MMP26: variants seen among roughly 807,000 people sequenced by gnomAD.
MMP26 encodes the protein matrix metalloproteinase-26.
Under a neutral mutation model 31.0 loss-of-function variants are expected in MMP26, and 33 were observed. The ratio of observed to expected loss-of-function variants is 1.06; its 90% CI spans 0.81 to 1.42. The LOEUF (loss-of-function observed/expected upper bound fraction) is 1.42, where lower values mean the gene tolerates loss of function less well. Among genes scored for constraint, MMP26 ranks in the 40% most tolerant of loss-of-function variants. The pLI is 0.00. For missense variants in MMP26, 347 were observed against 316.1 expected (o/e 1.10, Z -0.74); for synonymous variants, 122 against 114.9 (o/e 1.06, Z -0.40).
intron 2 of MMP26, among the ~76,000 whole-genome samples, chr11:4,833,553 T>C (rs1283229477): frequency 1.3e-5 from 2 of 152,202 alleles, no homozygotes; most frequent in Non-Finnish European, 2.9e-5. Context: ...ATTCAAAGTG[T>C]GGTCTGCTGA....
At chr11:4,755,692 G>T (rs1200635224) in intron 1 of MMP26, among the ~76,000 whole-genome samples, 1 of 151,926 alleles carries the variant, frequency 6.6e-6, no homozygotes, top group African/African-American at 2.4e-5. Flanking sequence ...ATACAGTGTT[G>T]GTTGAATGTT....
intron 4 of MMP26, 45 bp downstream of exon 4, chr11:4,989,913 C>T (rs1846971542): frequency 6.7e-7 from 1 of 1,489,056 alleles, no homozygotes; most frequent in Non-Finnish European, 9.2e-7. Context: ...GGGTGATGAC[C>T]TCAAAGGGCT....
intron 1 of MMP26, chr11:4,710,671 G>T: frequency 3.0e-6 from 1 of 336,442 alleles, no homozygotes; most frequent in Admixed American, 3.9e-5. Flanking sequence ...AGTTCTAAAT[G>T]GTGAGTTATT....
chr11:4,842,413 G>C (rs75223937), intron 2 of MMP26, among the ~76,000 whole-genome samples: 11,002 of 152,262 alleles, frequency 0.072, 431 homozygotes, highest in South Asian at 0.11. Context: ...AGACTGTACA[G>C]GAGGCAAGGC....
In MMP26 at chr11:4,768,772, T is replaced by A. The variant is rs1195364822; in HGVS notation, c.-145+1431T>A. Among the ~76,000 whole-genome samples the A allele has an allele frequency of 3.9e-5, 6 of 152,356 alleles. No individual in the cohort carries two copies. The East Asian group carries it at 1.2e-3, about 29-fold the overall frequency. On this transcript the variant is annotated intron_variant, in intron 2 of 7. Coordinates refer to ENST00000380390, the MANE Select transcript of MMP26 (RefSeq NM_021801.5). The stretch of plus-strand genomic sequence containing the variant: ...AGGAGTATTATTTATCATTTCATTA[T>A]TGTTATTTTCCTAATTCCACTACAA...
chr11:4,740,773 C>A (rs775668255), intron 1 of MMP26, among the ~76,000 whole-genome samples: 45 of 151,856 alleles, frequency 3.0e-4, no homozygotes, highest in Middle Eastern at 3.2e-3. Context: ...TAATTCATAC[C>A]ATTTTAGAGT....
intron 1 of MMP26, among the ~76,000 whole-genome samples, chr11:4,757,499 A>G (rs61883474): frequency 0.014 from 2,132 of 152,138 alleles, 20 homozygotes; most frequent in Non-Finnish European, 0.021. Context: ...AAAAAAAAGT[A>G]CAATTTAAAA....
At chr11:4,804,755 G>T in intron 2 of MMP26, 1 of 348,862 alleles carries the variant, frequency 2.9e-6, no homozygotes, top group Non-Finnish European at 5.6e-6. Context: ...GACCAGCCTG[G>T]CTGACATAGT....
At chr11:4,947,243 T>G (rs1846326154) in intron 2 of MMP26, 1 of 482,606 alleles carries the variant, frequency 2.1e-6, no homozygotes, top group Non-Finnish European at 3.6e-6. Context: ...AGCATTTATG[T>G]GGCTATCATC....
intron 2 of MMP26, among the ~76,000 whole-genome samples, chr11:4,938,963 G>A (rs551508138): frequency 5.9e-5 from 9 of 152,064 alleles, no homozygotes; most frequent in Admixed American, 2.0e-4. Context: ...CCCAGTATTA[G>A]CATATTAACT....
intron 2 of MMP26, chr11:4,793,743 A>C (rs1849064752): frequency 6.6e-6 from 1 of 152,170 alleles, no homozygotes; most frequent in Non-Finnish European, 1.5e-5. Flanking sequence ...AACAGGAATA[A>C]AGAAAATCAA....
chr11:4,787,206 C>T (rs929765823), intron 2 of MMP26: 1 of 152,310 alleles, frequency 6.6e-6, no homozygotes, highest in African/African-American at 2.4e-5. Flanking sequence ...TAGCAATAGT[C>T]CTAAGAACAT....
At chr11:4,759,475 C>T (rs540275825) in intron 1 of MMP26, among the ~76,000 whole-genome samples, 15 of 152,236 alleles carry the variant, frequency 9.9e-5, no homozygotes, top group African/African-American at 3.6e-4. Flanking sequence ...ATTCCTTCAT[C>T]TTTTGTTAAT....
At chr11:4,982,117 T>C (rs184473489) in intron 2 of MMP26, among the ~76,000 whole-genome samples, 2 of 151,958 alleles carry the variant, frequency 1.3e-5, no homozygotes, top group African/African-American at 2.4e-5. Context: ...ACAATATACA[T>C]ACACATATAA....
At chr11:4,931,583 A>G (rs1851347820) in intron 2 of MMP26, among the ~76,000 whole-genome samples, 3 of 152,122 alleles carry the variant, frequency 2.0e-5, no homozygotes, top group Admixed American at 2.0e-4. Flanking sequence ...TAAGAATTGG[A>G]CAAGTTGAGG....
chr11:4,915,936 G>T (rs1037650390), intron 2 of MMP26, among the ~76,000 whole-genome samples: 1 of 152,094 alleles, frequency 6.6e-6, no homozygotes, highest in African/African-American at 2.4e-5. Flanking sequence ...GATTCTAAAT[G>T]AGCCGCTCCA....
At chr11:4,723,670 A>G (rs1435170116) in intron 1 of MMP26, 24 of 883,492 alleles carry the variant, frequency 2.7e-5, no homozygotes, top group Non-Finnish European at 4.1e-5. Flanking sequence ...GCAGTTCTCC[A>G]TCAGCCCTTG....
chr11:4,800,841 G>A (rs1258107977), intron 2 of MMP26, among the ~76,000 whole-genome samples: 1 of 132,562 alleles, frequency 7.5e-6, no homozygotes. Context: ...TTTTATTCCA[G>A]ATACACTAAG....
chr11:4,897,151 A>T (rs1215737992), intron 2 of MMP26, among the ~76,000 whole-genome samples: 1 of 151,192 alleles, frequency 6.6e-6, no homozygotes, highest in Non-Finnish European at 1.5e-5. Context: ...TTTTTTGTTT[A>T]TTTTTTTTGG....
Sources: allele counts gnomAD v4.1 joint callset (sites outside exome capture counted in the v4.1 genomes callset), GRCh38; gene constraint gnomAD v4.1.1; transcripts MANE v1.5; gene names NCBI Gene and HGNC (gene_info 2026-07-23, HGNC 2026-07-21).